Variants in PCDHA5 observed in about 807,000 individuals in gnomAD.
PCDHA5 encodes protocadherin alpha 5, also known as protocadherin alpha-5.
In PCDHA5, 43 loss-of-function variants were observed where a neutral mutation model predicts 61.6. The observed-to-expected ratio is 0.70, with a 90% CI of 0.55 to 0.90. The LOEUF is 0.90. PCDHA5 is among the 40% of genes least tolerant of loss of function. PCDHA5 has a pLI of 0.00. For missense variants in PCDHA5, 1,298 were observed against 1,222.7 expected (o/e 1.06, Z -0.92); for synonymous variants, 627 against 543.9 (o/e 1.15, Z -2.13).
At chr5:140,831,761 G>T (rs2150109783) in intron 1 of PCDHA5, among the ~76,000 whole-genome samples, 2 of 152,184 alleles carry the variant, frequency 1.3e-5, no homozygotes, top group African/African-American at 4.8e-5. Context: ...TACCAATTTT[G>T]TTTTGTGGAT....
intron 1 of PCDHA5, chr5:140,865,282 T>G (rs2048808966): frequency 6.6e-6 from 1 of 152,240 alleles, no homozygotes; most frequent in Non-Finnish European, 1.5e-5. Flanking sequence ...GTAAAATTAC[T>G]TTGCTCTTTT....
chr5:140,969,642 A>G (rs2096350693), intron 1 of PCDHA5: 1 of 206,874 alleles, frequency 4.8e-6, no homozygotes, highest in African/African-American at 2.4e-5. Context: ...GCCTTGGAAT[A>G]GGGATTATGT....
intron 1 of PCDHA5, among the ~76,000 whole-genome samples, chr5:140,872,204 C>T (rs1475899671): frequency 6.6e-6 from 1 of 151,738 alleles, no homozygotes. Flanking sequence ...ATCATAAATT[C>T]ATTATATATG....
intron 1 of PCDHA5, among the ~76,000 whole-genome samples, chr5:140,909,911 A>T (rs747486870): frequency 1.3e-5 from 2 of 152,144 alleles, no homozygotes; most frequent in Non-Finnish European, 2.9e-5. Flanking sequence ...AATGGCAATC[A>T]TTTCCCTTTC....
chr5:140,828,617 G>A lies in PCDHA5; in HGVS notation c.2352+4490G>A, dbSNP rs2150157424. On this transcript the variant is annotated intron_variant, in intron 1 of 3. Transcript: ENST00000529859. ...CTTAACCTATAAACTCAGTTCTAGCGAATACTTCGGGCTAGATGTGAAAAT... is the reference window on the plus strand; with the variant it reads ...CTTAACCTATAAACTCAGTTCTAGCAAATACTTCGGGCTAGATGTGAAAAT... 3.1e-6 allele frequency: 5 copies of A among 1,614,158 alleles called. No individual in the cohort carries two copies. In the South Asian group the frequency reaches 5.5e-5, roughly 18 times the overall value.
At chr5:140,842,602 G>C in intron 1 of PCDHA5, 1 of 1,547,148 alleles carries the variant, frequency 6.5e-7, no homozygotes, top group Non-Finnish European at 8.8e-7. Context: ...TGGTAACCGC[G>C]CGGGACGGGG....
At chr5:140,883,106 T>C (rs782515785) in intron 1 of PCDHA5, 3 of 1,614,124 alleles carry the variant, frequency 1.9e-6, no homozygotes, top group Non-Finnish European at 2.5e-6. Context: ...TATAGTTTAC[T>C]CATTTAGAAG....
intron 1 of PCDHA5, chr5:140,876,180 T>G (rs782772220): frequency 1.2e-6 from 2 of 1,613,982 alleles, no homozygotes; most frequent in East Asian, 4.5e-5. Flanking sequence ...TGGATGTGAA[T>G]GACAATGGTC....
intron 1 of PCDHA5, chr5:140,841,370 T>C: frequency 1.9e-6 from 3 of 1,613,492 alleles, no homozygotes; most frequent in South Asian, 1.1e-5. Flanking sequence ...ACTACTACTC[T>C]TGCTTCTGCT....
intron 1 of PCDHA5, among the ~76,000 whole-genome samples, chr5:140,918,323 T>C (rs1554198562): frequency 7.2e-5 from 11 of 152,184 alleles, no homozygotes. Flanking sequence ...TATAAAATTA[T>C]ATTGTCTGCT....
chr5:140,830,117 C>T (rs2150181375), intron 1 of PCDHA5: 1 of 1,613,510 alleles, frequency 6.2e-7, no homozygotes. Context: ...TGGCCAGGCT[C>T]CAAAGGCGTC....
intron 3 of PCDHA5, among the ~76,000 whole-genome samples, chr5:140,993,305 G>C (rs1405035028): frequency 6.6e-6 from 1 of 151,998 alleles, no homozygotes; most frequent in African/African-American, 2.4e-5. Flanking sequence ...CTTGCCTCCA[G>C]GATAATACCT....
intron 1 of PCDHA5, among the ~76,000 whole-genome samples, chr5:140,920,075 G>T (rs190821804): frequency 6.6e-6 from 1 of 152,316 alleles, no homozygotes; most frequent in Admixed American, 6.5e-5. Flanking sequence ...GGCAGAAACA[G>T]ATTCTCCGTA....
chr5:140,835,739 C>A (rs185499663), intron 1 of PCDHA5: 15 of 1,613,474 alleles, frequency 9.3e-6, no homozygotes, highest in Non-Finnish European at 1.3e-5. Flanking sequence ...ACGACAACGC[C>A]CCGGCGTTCG....
intron 1 of PCDHA5, chr5:140,861,521 G>A: frequency 2.2e-6 from 1 of 460,574 alleles, no homozygotes; most frequent in Admixed American, 2.2e-5. Flanking sequence ...TGTGTGGGAG[G>A]ATCTCGGAGT....
rs1367836220 is a variant in PCDHA5 at position 140,823,223 on chromosome 5, C to T, written c.1448C>T (p.Ala483Val). The change falls in exon 1 of 4, where the codon GCG becomes GTG. Residue 483 changes from alanine to valine, a missense_variant. Ala to Val is a moderately conservative substitution (Grantham distance 64). Coordinates refer to ENST00000529859, the MANE Select transcript of PCDHA5 (RefSeq NM_018908.3). ...ACGGTGTCTGCACGGGACGCGGACG[C>T]GCAGGAGAACGCCCTGGTGTCCTAC... is the stretch of plus-strand genomic sequence containing the variant. ...IFTVSARDAD[A>V]QENALVSYSL... 2 of 1,613,672 alleles carry T rather than the reference C, an allele frequency of 1.2e-6. No homozygotes were observed. The highest frequency in any genetic ancestry group is 8.5e-7 in the Non-Finnish European group (1 of 1,179,802).
At chr5:140,897,874 T>C (rs541496059) in intron 1 of PCDHA5, among the ~76,000 whole-genome samples, 2,161 of 152,206 alleles carry the variant, frequency 0.014, 44 homozygotes, top group African/African-American at 0.049. Context: ...TTTTAATGAT[T>C]GCCATTCTAA....
intron 1 of PCDHA5, chr5:140,853,041 C>G (rs1158374492): frequency 1.9e-5 from 5 of 267,262 alleles, no homozygotes; most frequent in Non-Finnish European, 3.0e-5. Context: ...ACCATGCCCG[C>G]CTAATTTTTT....
chr5:140,827,741 T>G (rs949123681), intron 1 of PCDHA5, among the ~76,000 whole-genome samples: 4 of 152,220 alleles, frequency 2.6e-5, no homozygotes, highest in African/African-American at 9.6e-5. Context: ...TGTGAATAAT[T>G]AGATCCCTTA....
Sources: gnomAD v4.1 joint callset for allele counts (sites outside exome capture counted in the v4.1 genomes callset) on GRCh38, gnomAD v4.1.1 for gene constraint, MANE v1.5 for transcripts, NCBI Gene and HGNC (gene_info 2026-07-23, HGNC 2026-07-21) for gene names.